Variants in ELF2 observed in about 807,000 individuals in gnomAD.
ELF2 encodes ETS-related transcription factor Elf-2.
A neutral mutation model predicts 54.8 loss-of-function variants in ELF2; 11 were observed. That is an observed-to-expected ratio of 0.20 (90% CI 0.13 to 0.33). The LOEUF is 0.33. Ranked by LOEUF, ELF2 falls within the 10% of genes least tolerant of loss-of-function variation. The probability of loss-of-function intolerance (pLI) is 1.00; values close to 1 mark genes in which losing one functional copy is unlikely to be tolerated. For missense variants in ELF2, 513 were observed against 703.0 expected (o/e 0.73, Z 3.06); for synonymous variants, 203 against 245.1 (o/e 0.83, Z 1.61).
At chr4:139,150,131 G>C (rs1312518149) in intron 1 of ELF2, among the ~76,000 whole-genome samples, 1 of 152,130 alleles carries the variant, frequency 6.6e-6, no homozygotes, top group Non-Finnish European at 1.5e-5. Flanking sequence ...CCTGAGGTCA[G>C]GCATTCGAGA....
chr4:139,167,002 T>C (rs1247825280), intron 1 of ELF2, among the ~76,000 whole-genome samples: 2 of 152,232 alleles, frequency 1.3e-5, no homozygotes, highest in Non-Finnish European at 1.5e-5. Flanking sequence ...GTATCAATCA[T>C]TTACAGTAAT....
At chr4:139,147,356 G>A (rs1739319495) in intron 1 of ELF2, among the ~76,000 whole-genome samples, 1 of 152,216 alleles carries the variant, frequency 6.6e-6, no homozygotes, top group Admixed American at 6.5e-5. Flanking sequence ...ACTCCTGCAA[G>A]AATGGCCATT....
intron 1 of ELF2, among the ~76,000 whole-genome samples, chr4:139,163,355 T>C (rs1348688953): frequency 6.6e-6 from 1 of 151,990 alleles, no homozygotes; most frequent in Non-Finnish European, 1.5e-5. Flanking sequence ...AAGTAATATT[T>C]AGGAAGGAAA....
chr4:139,060,803 A>AAAAAC, intron 8 of ELF2, 129 bp from the exon 9 acceptor site: 1 of 778,156 alleles, frequency 1.3e-6, no homozygotes, highest in Non-Finnish European at 2.0e-6. Flanking sequence ...CAGATGAGAA[A>AAAAAC]AAAACAAACT....
Position 139,073,574 on chromosome 4 carries a change from G to T in ELF2, c.239-7C>A. On this transcript the variant is annotated splice_region_variant and splice_polypyrimidine_tract_variant and intron_variant, in intron 4 of 9. Transcript: ENST00000686138. The stretch of plus-strand genomic sequence containing the variant: ...CTGTGAACTGATGCTTCCACTGGAG[G>T]AAAAATAAGTTCTACTCAATTAAAA... 1 of 1,495,670 alleles carries T rather than the reference G, an allele frequency of 6.7e-7. No individual in the cohort carries two copies. The highest frequency in any genetic ancestry group is 9.0e-7 in the Non-Finnish European group (1 of 1,109,002). The allele number at this position is 1,495,670 out of a possible 1,614,324, so 92.6% of individuals were successfully genotyped here. A position where few individuals can be genotyped will look rare whatever the true frequency, so the allele number is the denominator to read the frequency against.
At chr4:139,071,157 T>A (rs560242623) in intron 6 of ELF2, among the ~76,000 whole-genome samples, 4 of 152,024 alleles carry the variant, frequency 2.6e-5, no homozygotes, top group Non-Finnish European at 5.9e-5. Flanking sequence ...ACTGGTGAGT[T>A]TAGGTCAATC....
At chr4:139,124,944 CAT>C (rs1365527003) in intron 4 of ELF2, among the ~76,000 whole-genome samples, 2 of 152,030 alleles carry the variant, frequency 1.3e-5, no homozygotes, top group Admixed American at 6.6e-5. Context: ...TAATTTTGTG[CAT>C]AGAGTCCATG....
chr4:139,115,051 G>C, intron 4 of ELF2: 1 of 1,613,898 alleles, frequency 6.2e-7, no homozygotes, highest in Non-Finnish European at 8.5e-7. Flanking sequence ...GGCAGCCCGG[G>C]CATCGTCACT....
At chr4:139,152,891 CTTTTTT>C (rs34208004) in intron 1 of ELF2, among the ~76,000 whole-genome samples, 73 of 104,044 alleles carry the variant, frequency 7.0e-4, no homozygotes, top group African/African-American at 2.5e-3. Context: ...TAGTGTCATA[CTTTTTT>C]TTTTTTTTTT....
chr4:139,136,823 C>G (rs559245421), intron 3 of ELF2: 1 of 151,984 alleles, frequency 6.6e-6, no homozygotes, highest in Admixed American at 6.5e-5. Flanking sequence ...CGCCACCACG[C>G]CTGGCTAATT....
intron 1 of ELF2, among the ~76,000 whole-genome samples, chr4:139,160,612 G>T (rs148469872): frequency 6.6e-6 from 1 of 152,296 alleles, no homozygotes; most frequent in East Asian, 1.9e-4. Flanking sequence ...AAAAGGGTCA[G>T]TGGAAGAAAC....
rs192665876 is a variant in ELF2 at position 139,095,917 on chromosome 4, G to A, written c.239-22350C>T. Reference sequence around the variant, plus strand: ...AAATTAGCTGGGCACGGTGGCACACGCCTGTAGAAACAGTGAAACCCCGTC... The same window carrying A: ...AAATTAGCTGGGCACGGTGGCACACACCTGTAGAAACAGTGAAACCCCGTC... On this transcript the variant is annotated intron_variant, in intron 4 of 9. Transcript: ENST00000686138. Among the ~76,000 whole-genome samples the A allele has an allele frequency of 6.4e-3, 972 of 152,088 alleles. 3 individuals are homozygous for A. Among genetic ancestry groups the A allele is most frequent in the Non-Finnish European group, 8.7e-3 (593 of 67,994 alleles).
At chr4:139,151,059 A>AGAAG (rs1739904209) in intron 1 of ELF2, among the ~76,000 whole-genome samples, 4 of 126,972 alleles carry the variant, frequency 3.2e-5, no homozygotes, top group African/African-American at 1.2e-4. Flanking sequence ...AAAGAAAGAA[A>AGAAG]GAAAGAAAGA....
chr4:139,067,556 T>A (rs1388981699), intron 7 of ELF2, 128 bp downstream of exon 7: 1 of 902,542 alleles, frequency 1.1e-6, no homozygotes, highest in Non-Finnish European at 1.7e-6. Context: ...CATCCCTTAT[T>A]AAGAACTATT....
intron 6 of ELF2, among the ~76,000 whole-genome samples, 161 bp from the exon 7 acceptor site, chr4:139,067,931 C>G (rs762037890): frequency 6.6e-6 from 1 of 152,122 alleles, no homozygotes; most frequent in African/African-American, 2.4e-5. Context: ...ATTACAAACA[C>G]TTTTGTATTT....
At chr4:139,082,251 T>C (rs535832063) in intron 4 of ELF2, among the ~76,000 whole-genome samples, 1 of 152,216 alleles carries the variant, frequency 6.6e-6, no homozygotes, top group Non-Finnish European at 1.5e-5. Flanking sequence ...ACTGTACATA[T>C]TCAATATTCA....
intron 1 of ELF2, among the ~76,000 whole-genome samples, chr4:139,154,998 A>T (rs1740384627): frequency 6.6e-6 from 1 of 152,148 alleles, no homozygotes; most frequent in Non-Finnish European, 1.5e-5. Context: ...AAAGGCACAA[A>T]CCTACCTCCC....
At chr4:139,133,081 C>T (rs1231283479) in intron 3 of ELF2, among the ~76,000 whole-genome samples, 1 of 151,754 alleles carries the variant, frequency 6.6e-6, no homozygotes, top group Admixed American at 6.6e-5. Flanking sequence ...GCCACCATGC[C>T]CGGCTAATTT....
At chr4:139,104,310 G>T (rs1734196274) in intron 4 of ELF2, among the ~76,000 whole-genome samples, 1 of 152,002 alleles carries the variant, frequency 6.6e-6, no homozygotes, top group South Asian at 2.1e-4. Flanking sequence ...AGGAGTTCGA[G>T]ACCACCCTGG....
Sources: gnomAD v4.1 joint callset for allele counts (sites outside exome capture counted in the v4.1 genomes callset) on GRCh38, gnomAD v4.1.1 for gene constraint, MANE v1.5 for transcripts, NCBI Gene and HGNC (gene_info 2026-07-23, HGNC 2026-07-21) for gene names.